SEL1L2: variants seen among roughly 807,000 people sequenced by gnomAD.
SEL1L2 encodes SEL1L2 adaptor subunit of SYVN1 ubiquitin ligase.
In SEL1L2, 89 loss-of-function variants were observed where a neutral mutation model predicts 98.8. The ratio of observed to expected loss-of-function variants is 0.90; its 90% CI spans 0.76 to 1.07. SEL1L2 has a LOEUF of 1.07. Among genes scored for constraint, SEL1L2 ranks in the 50% least tolerant of loss-of-function variants. The pLI, the probability that SEL1L2 is intolerant of heterozygous loss-of-function variation, is 0.00. For synonymous variants in SEL1L2, 262 were observed against 278.5 expected, an observed-to-expected ratio of 0.94 and a Z score of 0.59; for missense variants, 788 against 812.0, an observed-to-expected ratio of 0.97 and a Z score of 0.36.
At chr20:13,851,897 G>C (rs546801277) in intron 18 of SEL1L2, among the ~76,000 whole-genome samples, 3 of 152,126 alleles carry the variant, frequency 2.0e-5, no homozygotes, top group South Asian at 2.1e-4. Context: ...GCTGTGTTCT[G>C]CTTATTATAG....
intron 2 of SEL1L2, among the ~76,000 whole-genome samples, chr20:13,933,381 G>C (rs1397238192): frequency 6.6e-6 from 1 of 151,810 alleles, no homozygotes; most frequent in African/African-American, 2.4e-5. Flanking sequence ...ATCACCTTAA[G>C]AAAAAACCAC....
rs71188192 is a variant in SEL1L2 at position 13,888,635 on chromosome 20, C to CTTTTTTT, written c.550-130_550-124dup. On this transcript the variant is annotated intron_variant, in intron 5 of 19. Transcript: ENST00000284951. The stretch of plus-strand genomic sequence containing the variant: ...TTGCATTGTTAATTTCTTTCTTTCT[C>CTTTTTTT]TTTTTTTTTTTTTTTTTTTTTGAGA... 7.4e-4 allele frequency: 153 copies of CTTTTTTT among 206,346 alleles called. 6 individuals are homozygous for CTTTTTTT. The highest frequency in any genetic ancestry group is 1.4e-3 in the African/African-American group (36 of 25,044). The allele number at this position is 206,346 out of a possible 1,614,324, so 12.8% of individuals were successfully genotyped here.
intron 3 of SEL1L2, among the ~76,000 whole-genome samples, chr20:13,920,447 T>A (rs6110089): frequency 0.012 from 1,889 of 152,228 alleles, 36 homozygotes; most frequent in African/African-American, 0.043. Context: ...TTGCAATTTT[T>A]AAAAAATCAT....
chr20:13,850,145 C>A, intron 19 of SEL1L2, 46 bp downstream of exon 19: 1 of 1,609,444 alleles, frequency 6.2e-7, no homozygotes, highest in South Asian at 1.1e-5. Flanking sequence ...AAGAGTTGCT[C>A]ACTGGAGACT....
At chr20:13,900,214 C>G (rs2148079750) in intron 5 of SEL1L2, among the ~76,000 whole-genome samples, 1 of 152,166 alleles carries the variant, frequency 6.6e-6, no homozygotes, top group East Asian at 1.9e-4. Context: ...ACAGGAGGAA[C>G]TGATTTATAT....
At chr20:13,851,133 A>G (rs1988184603) in intron 18 of SEL1L2, among the ~76,000 whole-genome samples, 1 of 152,094 alleles carries the variant, frequency 6.6e-6, no homozygotes, top group Non-Finnish European at 1.5e-5. Context: ...GTTATTTGGC[A>G]CGAGAATTGC....
chr20:13,995,198 A>T (rs1053979196), upstream of SEL1L2: 2 of 170,484 alleles, frequency 1.2e-5, no homozygotes, highest in African/African-American at 4.8e-5. The surrounding 1 kb of genome is among the most constrained non-coding windows in gnomAD (Gnocchi z 4.3). Context: ...CCAAGAGGCC[A>T]GCGGTAAGCG....
chr20:13,945,700 T>A (rs1388571559), intron 2 of SEL1L2, among the ~76,000 whole-genome samples: 2 of 152,130 alleles, frequency 1.3e-5, no homozygotes, highest in East Asian at 3.9e-4. Context: ...TTCAAAATAT[T>A]AGCAAACTGA....
intron 10 of SEL1L2, among the ~76,000 whole-genome samples, chr20:13,879,134 G>A (rs1021410893): frequency 1.9e-4 from 29 of 152,112 alleles, no homozygotes; most frequent in African/African-American, 6.5e-4. Flanking sequence ...TAAAATGATC[G>A]AGGCCTCATG....
Position 13,956,277 on chromosome 20 carries a change from CTAA to C in SEL1L2, c.59-149_59-147del. On this transcript the variant is annotated intron_variant, in intron 1 of 19. Transcript: ENST00000284951. ...GACAATAATTTATAATTTAGAGTTC[CTAA>C]TAATGTGTTAAAAATAATTCCTTCA... The C allele has an allele frequency of 5.6e-6, 3 of 538,766 alleles. No homozygotes were observed. The East Asian group carries it at 9.8e-5, about 18-fold the overall frequency. The allele number at this position is 538,766 out of a possible 1,614,324, so 33.4% of individuals were successfully genotyped here.
At chr20:13,899,287 T>G (rs1357311978) in intron 5 of SEL1L2, among the ~76,000 whole-genome samples, 3 of 152,146 alleles carry the variant, frequency 2.0e-5, no homozygotes, top group African/African-American at 7.2e-5. Context: ...TTAATATGGA[T>G]GTCTGTTGTG....
In SEL1L2 at chr20:13,913,904, A is replaced by G; in HGVS notation, c.427T>C (p.Leu143=). The change falls in exon 5 of 20, where the codon TTG becomes CTG. Residue 143 remains leucine (L), a synonymous_variant. Coordinates refer to ENST00000284951, the MANE Select transcript of SEL1L2 (RefSeq NM_025229.2). ...TCAGCCATTTTCTCCATAGCTTTCA[A>G]GTTTCCCATGTCAGCTGCTTTGGCA... ...LFAKAADMGN[L]KAMEKMADAL... 2 of 1,563,540 alleles carry G rather than the reference A, an allele frequency of 1.3e-6. No individual in the cohort carries two copies. Among genetic ancestry groups the G allele is most frequent in the African/African-American group, 1.4e-5 (1 of 71,412 alleles).
At chr20:13,977,484 G>C (rs971446169) in intron 1 of SEL1L2, among the ~76,000 whole-genome samples, 22 of 152,164 alleles carry the variant, frequency 1.4e-4, no homozygotes, top group Admixed American at 1.4e-3. Context: ...TTCAATTGAT[G>C]GGGGGATAGA....
intron 1 of SEL1L2, among the ~76,000 whole-genome samples, chr20:13,987,067 G>A (rs1015929824): frequency 6.6e-6 from 1 of 151,974 alleles, no homozygotes; most frequent in Non-Finnish European, 1.5e-5. Context: ...TCTTGACCTC[G>A]TGATCTGCCC....
intron 17 of SEL1L2, among the ~76,000 whole-genome samples, chr20:13,862,527 T>C (rs77295101): frequency 0.014 from 2,090 of 152,330 alleles, 47 homozygotes; most frequent in African/African-American, 0.047. Flanking sequence ...CCTAATGTAG[T>C]GCATAACATC....
At chr20:13,930,435 A>T (rs1406923) in intron 3 of SEL1L2, among the ~76,000 whole-genome samples, 2 of 152,174 alleles carry the variant, frequency 1.3e-5, no homozygotes, top group Non-Finnish European at 2.9e-5. Flanking sequence ...CCCAGGGGGA[A>T]CTTTGTGGTT....
intron 5 of SEL1L2, among the ~76,000 whole-genome samples, chr20:13,908,389 G>A (rs1438722137): frequency 6.6e-6 from 1 of 152,146 alleles, no homozygotes; most frequent in East Asian, 1.9e-4. Context: ...CTCCCAAAAT[G>A]TTGGGATCAT....
intron 1 of SEL1L2, among the ~76,000 whole-genome samples, chr20:13,983,901 G>C (rs1411227601): frequency 6.6e-6 from 1 of 151,886 alleles, no homozygotes; most frequent in African/African-American, 2.4e-5. Context: ...ATTAATGAAC[G>C]ATCTATTGAT....
chr20:13,953,178 C>T (rs1187532006), intron 2 of SEL1L2, among the ~76,000 whole-genome samples: 1 of 152,078 alleles, frequency 6.6e-6, no homozygotes, highest in East Asian at 1.9e-4. Flanking sequence ...TACAGTCGGG[C>T]TTTTGGCCTC....
Sources: gnomAD v4.1 joint callset for allele counts (sites outside exome capture counted in the v4.1 genomes callset) on GRCh38, gnomAD v4.1.1 for gene constraint, Gnocchi (gnomAD v3.1) non-coding constraint, MANE v1.5 for transcripts, NCBI Gene and HGNC (gene_info 2026-07-23, HGNC 2026-07-21) for gene names.